The following CDH12 variants were observed in gnomAD, a reference collection of about 807,000 sequenced individuals.
The protein encoded by CDH12 is cadherin-12.
A neutral mutation model predicts 74.1 loss-of-function variants in CDH12; 41 were observed. The observed-to-expected ratio is 0.55, with a 90% CI of 0.43 to 0.72. The LOEUF is 0.72. Ranked by LOEUF, CDH12 falls within the 30% of genes least tolerant of loss-of-function variation. CDH12 has a pLI of 0.00. For missense variants in CDH12, 945 were observed against 977.2 expected (o/e 0.97, Z 0.44); for synonymous variants, 399 against 355.0 (o/e 1.12, Z -1.39).
chr5:21,956,463 G>A (rs1218092654), intron 6 of CDH12, among the ~76,000 whole-genome samples: 1 of 151,680 alleles, frequency 6.6e-6, no homozygotes, highest in Non-Finnish European at 1.5e-5. Context: ...CAGATTCTGG[G>A]GTAATCTTTA....
chr5:22,814,712 G>A (rs187117419), intron 1 of CDH12, among the ~76,000 whole-genome samples: 251 of 151,868 alleles, frequency 1.7e-3, no homozygotes, highest in African/African-American at 4.8e-3. Context: ...ATATGTTTTC[G>A]GAACATAGCT....
rs569873155 is a variant in CDH12, at chr5:22,542,439, T to C, written c.-522-37075A>G. Among the ~76,000 whole-genome samples, 9 of 152,300 alleles carry C rather than the reference T, an allele frequency of 5.9e-5. No individual in the cohort carries two copies. The South Asian group carries it at 1.7e-3, about 28-fold the overall frequency. ...TGCTACTAAGTTATTTTAAAGAATA[T>C]TAGTGCACTGTAAACCAATTTTACT... is the stretch of plus-strand genomic sequence containing the variant. On this transcript the variant is annotated intron_variant, in intron 1 of 14. Transcript: ENST00000382254.
intron 5 of CDH12, among the ~76,000 whole-genome samples, chr5:21,992,991 G>A (rs1039410949): frequency 2.0e-5 from 3 of 152,040 alleles, no homozygotes; most frequent in Non-Finnish European, 2.9e-5. Flanking sequence ...AGATAGCCAG[G>A]GGTGAAGTGC....
At chr5:22,555,607 T>C (rs1203262500) in intron 1 of CDH12, among the ~76,000 whole-genome samples, 1 of 152,030 alleles carries the variant, frequency 6.6e-6, no homozygotes, top group Non-Finnish European at 1.5e-5. Context: ...CAAAAGATCT[T>C]GATTTATTTA....
In CDH12 at chr5:22,150,811, C is replaced by T. The variant is rs147376841; in HGVS notation, c.-187+61687G>A. 6.3e-3 allele frequency among the ~76,000 whole-genome samples: 966 copies of T among 152,186 alleles called. 8 individuals are homozygous for T. The highest frequency in any genetic ancestry group is 0.022 in the African/African-American group (930 of 41,518). Reference sequence around the variant, plus strand: ...CCTTTGTTAGAAAAAAAGATATCCCCTCTAGGTGGACAAATCAGAAAAACA... The same window carrying T: ...CCTTTGTTAGAAAAAAAGATATCCCTTCTAGGTGGACAAATCAGAAAAACA... On this transcript the variant is annotated intron_variant, in intron 4 of 14. Transcript: ENST00000382254.
intron 1 of CDH12, among the ~76,000 whole-genome samples, chr5:22,661,724 C>T (rs2126898762): frequency 6.6e-6 from 1 of 152,030 alleles, no homozygotes; most frequent in South Asian, 2.1e-4. Flanking sequence ...ATTTACAGAT[C>T]AAAGAAACAA....
intron 1 of CDH12, among the ~76,000 whole-genome samples, chr5:22,680,133 A>G (rs1245424423): frequency 1.3e-5 from 2 of 152,098 alleles, no homozygotes; most frequent in Admixed American, 1.3e-4. Flanking sequence ...GATGGGCAAC[A>G]AAGATTGTTT....
intron 3 of CDH12, among the ~76,000 whole-genome samples, chr5:22,325,725 A>G (rs1022873988): frequency 2.0e-5 from 3 of 152,108 alleles, no homozygotes; most frequent in Non-Finnish European, 4.4e-5. Context: ...TCTCTACTAA[A>G]AATACAAAAA....
At chr5:21,925,063 G>A (rs558411957) in intron 6 of CDH12, among the ~76,000 whole-genome samples, 1 of 152,192 alleles carries the variant, frequency 6.6e-6, no homozygotes, top group East Asian at 1.9e-4. Flanking sequence ...AAGAGGAAAA[G>A]TTAAAACAAA....
intron 3 of CDH12, among the ~76,000 whole-genome samples, chr5:22,291,396 C>T (rs1221621353): frequency 6.6e-6 from 1 of 152,048 alleles, no homozygotes; most frequent in Non-Finnish European, 1.5e-5. Flanking sequence ...AAAATGCATC[C>T]AAATTACAAA....
intron 1 of CDH12, among the ~76,000 whole-genome samples, chr5:22,845,390 T>G (rs1235448372): frequency 6.6e-6 from 1 of 152,142 alleles, no homozygotes; most frequent in Non-Finnish European, 1.5e-5. Context: ...TAACATATTA[T>G]GATGTAAATT....
At chr5:22,039,924 A>G (rs962466866) in intron 5 of CDH12, among the ~76,000 whole-genome samples, 1 of 151,996 alleles carries the variant, frequency 6.6e-6, no homozygotes, top group Non-Finnish European at 1.5e-5. Flanking sequence ...GCAAGGAAAT[A>G]TGGCACCACC....
At chr5:22,364,235 G>A (rs533097324) in intron 3 of CDH12, among the ~76,000 whole-genome samples, 1 of 152,280 alleles carries the variant, frequency 6.6e-6, no homozygotes, top group Admixed American at 6.5e-5. Context: ...GGCAAGTGAG[G>A]TTGGGAGGAA....
At chr5:22,080,102 T>C (rs1240300948) in intron 4 of CDH12, among the ~76,000 whole-genome samples, 1 of 152,172 alleles carries the variant, frequency 6.6e-6, no homozygotes, top group Non-Finnish European at 1.5e-5. Flanking sequence ...ATAAGGTTTC[T>C]AAAGGCCGAA....
At chr5:22,236,536 C>CTTA (rs1580433713) in intron 3 of CDH12, among the ~76,000 whole-genome samples, 1 of 151,868 alleles carries the variant, frequency 6.6e-6, no homozygotes, top group East Asian at 1.9e-4. Context: ...AGTTTAAGAC[C>CTTA]AGCCTGGCCA....
intron 1 of CDH12, among the ~76,000 whole-genome samples, chr5:22,660,455 G>A (rs7708701): frequency 0.53 from 79,877 of 152,084 alleles, 21,703 homozygotes; most frequent in Non-Finnish European, 0.59. Context: ...GGTCTGTGTT[G>A]AAAATTATAC....
At position 22,818,456 on chromosome 5, in the gene CDH12, A is replaced by C. The variant is rs181074406; in HGVS notation, c.-523+34602T>G. Among the ~76,000 whole-genome samples, 28 of 152,160 alleles carry C rather than the reference A, an allele frequency of 1.8e-4. No individual in the cohort carries two copies. The East Asian group carries it at 1.9e-3, about 10-fold the overall frequency. On this transcript the variant is annotated intron_variant, in intron 1 of 14. Transcript: ENST00000382254. ...TGCCTCCAAGAAATTTTCTTATAAA[A>C]CAGTGTGCTTATTTTCCCTAGGTTT... is the stretch of plus-strand genomic sequence containing the variant.
chr5:22,288,430 T>C (rs72742083), intron 3 of CDH12, among the ~76,000 whole-genome samples: 14,281 of 152,256 alleles, frequency 0.094, 702 homozygotes, highest in South Asian at 0.16. Context: ...TCATACCTTG[T>C]TTGCAGAAAC....
chr5:21,771,790 T>C (rs575041565), intron 11 of CDH12, among the ~76,000 whole-genome samples: 1 of 152,128 alleles, frequency 6.6e-6, no homozygotes, highest in Non-Finnish European at 1.5e-5. Context: ...CCATGAGAAA[T>C]AGCATTGCAG....
Sources: allele counts gnomAD v4.1 joint callset (sites outside exome capture counted in the v4.1 genomes callset), GRCh38; gene constraint gnomAD v4.1.1; transcripts MANE v1.5; gene names NCBI Gene and HGNC (gene_info 2026-07-23, HGNC 2026-07-21).